DCST2: variants seen among roughly 807,000 people sequenced by gnomAD.
The protein encoded by DCST2 is DC-STAMP domain-containing protein 2.
Under a neutral mutation model 81.8 loss-of-function variants are expected in DCST2, and 64 were observed. The ratio of observed to expected loss-of-function variants is 0.78; its 90% CI spans 0.64 to 0.96. The LOEUF is 0.96. Among genes scored for constraint, DCST2 ranks in the 40% least tolerant of loss-of-function variants. The pLI is 0.00. For synonymous variants in DCST2, 354 were observed against 402.6 expected (o/e 0.88, Z 1.44); for missense variants, 945 against 1,001.4 (o/e 0.94, Z 0.76).
chr1:155,029,871 T>TC (rs933236257), intron 7 of DCST2, among the ~76,000 whole-genome samples: 4 of 152,174 alleles, frequency 2.6e-5, no homozygotes, highest in Admixed American at 2.6e-4. Flanking sequence ...GTGTCTATGT[T>TC]CCCCCTTTCA....
In DCST2 at chr1:155,022,501, C is replaced by T. The variant is rs367572379; in HGVS notation, c.2105+616G>A. Among the ~76,000 whole-genome samples, 120 of 152,252 alleles carry T rather than the reference C, an allele frequency of 7.9e-4. 1 individual carries two copies. Among genetic ancestry groups the T allele is most frequent in the Non-Finnish European group, 1.3e-3 (87 of 68,012 alleles). ...ATCCCAGCACTTTGGAAGGCCAAGG[C>T]GAGAGGATGGTTTGAGCTCAGGAGT... On this transcript the variant is annotated intron_variant, in intron 14 of 14. Coordinates refer to ENST00000368424, the MANE Select transcript of DCST2 (RefSeq NM_144622.3).
chr1:155,019,379 C>G (rs1474397524), intron 14 of DCST2, among the ~76,000 whole-genome samples: 1 of 152,218 alleles, frequency 6.6e-6, no homozygotes, highest in Non-Finnish European at 1.5e-5. Flanking sequence ...GTCCTGCAAC[C>G]TCGTCGCTAG....
At chr1:155,018,824 C>A in intron 14 of DCST2, 64 bp from the exon 15 acceptor site, 2 of 1,490,220 alleles carry the variant, frequency 1.3e-6, no homozygotes, top group South Asian at 1.2e-5. Flanking sequence ...TGCATCCCTG[C>A]CCCCTGCCCT....
In DCST2 at chr1:155,031,634, C is replaced by T; in HGVS notation, c.679G>A (p.Ala227Thr). 2 of 1,610,906 alleles carry T rather than the reference C, an allele frequency of 1.2e-6. No individual in the cohort carries two copies. The highest frequency in any genetic ancestry group is 1.7e-6 in the Non-Finnish European group (2 of 1,178,496). Residue 227 changes from alanine to threonine, a missense_variant, in exon 4 of 15, where the codon GCC becomes ACC. Transcript: ENST00000368424. ...KDSCMMVIPQ[A>T]YHLCYVLMPF... is the part of the protein sequence containing the mutation. ...ATGAGCACGTAACACAGGTGGTAGG[C>T]TTGTGGTATGACCATCATGCAGCTG...
intron 3 of DCST2, among the ~76,000 whole-genome samples, 166 bp downstream of exon 3, chr1:155,032,501 G>T (rs1660124032): frequency 6.6e-6 from 1 of 151,622 alleles, no homozygotes; most frequent in African/African-American, 2.4e-5. Context: ...ATTTTTTATA[G>T]AGACAGGGTC....
At position 155,029,275 on chromosome 1, in the gene DCST2, C is replaced by T; in HGVS notation, c.1300G>A (p.Asp434Asn). The T allele has an allele frequency of 6.2e-7, 1 of 1,613,946 alleles. No homozygotes were observed. Among genetic ancestry groups the T allele is most frequent in the Non-Finnish European group, 8.5e-7 (1 of 1,179,960 alleles). The change falls in exon 8 of 15, where the codon GAC becomes AAC. Residue 434 changes from aspartate (D) to asparagine (N), a missense_variant. Coordinates refer to ENST00000368424, the MANE Select transcript of DCST2 (RefSeq NM_144622.3). ...CCCTGCAGCTGGTGCCGGGCCAGGT[C>T]AAGCACCCAGAAGACAGCATAGTCT... ...FLDYAVFWVL[D>N]LARHQLQGEI...
rs551777491 is a variant in DCST2, at chr1:155,023,842, G to A, written c.1860C>T (p.Pro620=). The A allele has an allele frequency of 1.4e-5, 23 of 1,613,408 alleles. No individual in the cohort carries two copies. The highest frequency in any genetic ancestry group is 5.0e-5 in the Admixed American group (3 of 59,936). ...CCCAGGGGGTCTCACCTTGGCAGCC[G>A]GGGGTACTGCAGGACACAGTGTTCT... ...DMENTVSCST[P]GCQGLYCLTC... Residue 620 remains proline (P), a synonymous_variant, in exon 12 of 15, where the codon CCC becomes CCT. Coordinates refer to ENST00000368424, the MANE Select transcript of DCST2 (RefSeq NM_144622.3).
chr1:155,021,501 C>T (rs1195277790), intron 14 of DCST2, among the ~76,000 whole-genome samples: 1 of 151,892 alleles, frequency 6.6e-6, no homozygotes, highest in African/African-American at 2.4e-5. Flanking sequence ...CTGTCCCCTC[C>T]CACTCTCCTG....
intron 4 of DCST2, 59 bp downstream of exon 4, chr1:155,031,515 T>TCCCCC: frequency 3.3e-5 from 21 of 643,092 alleles, no homozygotes; most frequent in East Asian, 2.4e-4. Context: ...ACCCCCACAT[T>TCCCCC]CCCACCCCAC....
At position 155,030,428 on chromosome 1, in the gene DCST2, T is replaced by C; in HGVS notation, c.1019+4A>G. 1.9e-6 allele frequency: 3 copies of C among 1,612,870 alleles called. No individual in the cohort carries two copies. The highest frequency in any genetic ancestry group is 2.5e-6 in the Non-Finnish European group (3 of 1,179,636). ...ATCCCCCACGCTGCCCGGCAGCCCC[T>C]CACTGGAGGTAGAGAAGCACAAGCA... On this transcript the variant is annotated splice_donor_region_variant and intron_variant, in intron 6 of 14. Transcript: ENST00000368424.
intron 14 of DCST2, among the ~76,000 whole-genome samples, chr1:155,021,767 T>C (rs914070913): frequency 1.3e-5 from 2 of 151,752 alleles, no homozygotes; most frequent in Admixed American, 6.6e-5. Context: ...AGCACTTCAG[T>C]ACTGAGGCCA....
At chr1:155,024,002 G>A (rs1275222908) in intron 11 of DCST2, 43 bp from the exon 12 acceptor site, 2 of 1,592,178 alleles carry the variant, frequency 1.3e-6, no homozygotes, top group Non-Finnish European at 8.6e-7. Context: ...AGCCCAGCCA[G>A]CTTAACCCTC....
At chr1:155,025,690 TTTTTGTTTTG>T (rs1190468029) in intron 10 of DCST2, among the ~76,000 whole-genome samples, 26 of 151,430 alleles carry the variant, frequency 1.7e-4, no homozygotes, top group African/African-American at 5.8e-4. Context: ...CCACCATGTT[TTTTTGTTTTG>T]TTTTGTTTTG....
At chr1:155,021,055 G>A (rs1021995092) in intron 14 of DCST2, among the ~76,000 whole-genome samples, 4 of 151,678 alleles carry the variant, frequency 2.6e-5, no homozygotes, top group Non-Finnish European at 4.4e-5. Flanking sequence ...GCTAAAATGC[G>A]GTGGCACAAT....
chr1:155,024,735 C>T, intron 10 of DCST2, 133 bp from the exon 11 acceptor site: 1 of 1,081,312 alleles, frequency 9.2e-7, no homozygotes, highest in Non-Finnish European at 1.2e-6. Context: ...CTCAAATGCC[C>T]CTTCCTCTGG....
chr1:155,021,605 CT>C (rs1173450696), intron 14 of DCST2, among the ~76,000 whole-genome samples: 2 of 151,914 alleles, frequency 1.3e-5, no homozygotes, highest in Non-Finnish European at 2.9e-5. Context: ...GATCCCTGCC[CT>C]TTTCTAACTG....
intron 2 of DCST2, 41 bp downstream of exon 2, chr1:155,033,052 AG>A (rs1252436849): frequency 1.3e-6 from 2 of 1,495,164 alleles, no homozygotes; most frequent in East Asian, 2.4e-5. Flanking sequence ...GAGGGGGGCG[AG>A]GGGGGCCCGT....
Position 155,023,846 on chromosome 1 carries a change from G to A in DCST2, c.1856C>T (p.Thr619Ile). ...GDMENTVSCSTPGCQGLYCLT... is the reference protein window; with the variant it reads ...GDMENTVSCSIPGCQGLYCLT... ...GGGGGTCTCACCTTGGCAGCCGGGG[G>A]TACTGCAGGACACAGTGTTCTCCAT... Residue 619 changes from threonine (T) to isoleucine (I), a missense_variant, in exon 12 of 15, where the codon ACC becomes ATC. Physicochemically the swap from Thr to Ile is moderately conservative, Grantham distance 89. Coordinates refer to ENST00000368424, the MANE Select transcript of DCST2 (RefSeq NM_144622.3). The A allele has an allele frequency of 1.3e-5, 21 of 1,613,684 alleles. No individual in the cohort carries two copies. The highest frequency in any genetic ancestry group is 2.2e-5 in the South Asian group (2 of 90,968).
chr1:155,023,159 A>C lies in DCST2; in HGVS notation c.2063T>G (p.Val688Gly). 1 of 1,613,914 alleles carries C rather than the reference A, an allele frequency of 6.2e-7. No homozygotes were observed. The highest frequency in any genetic ancestry group is 8.5e-7 in the Non-Finnish European group (1 of 1,180,024). Reference sequence around the variant, plus strand: ...CTCCATTGAGAGGCTCCTGCCGAGCACTTCTTGGAGCTGTTGCTGCAATAA... The same window carrying C: ...CTCCATTGAGAGGCTCCTGCCGAGCCCTTCTTGGAGCTGTTGCTGCAATAA... Reference protein sequence around the residue: ...AWLLQQQLQEVLGRSLSMEST... With the variant: ...AWLLQQQLQEGLGRSLSMEST... Residue 688 changes from valine (V) to glycine (G), a missense_variant, in exon 14 of 15, where the codon GTG (valine) becomes GGG (glycine). Val to Gly is a moderately radical substitution (Grantham distance 109). Coordinates refer to ENST00000368424, the MANE Select transcript of DCST2 (RefSeq NM_144622.3).
Sources: allele counts gnomAD v4.1 joint callset (sites outside exome capture counted in the v4.1 genomes callset), GRCh38; gene constraint gnomAD v4.1.1; transcripts MANE v1.5; gene names NCBI Gene and HGNC (gene_info 2026-07-23, HGNC 2026-07-21).